NIPBL: variants seen among roughly 807,000 people sequenced by gnomAD.
NIPBL encodes nipped-B-like protein.
In NIPBL, 19 loss-of-function variants were observed where a neutral mutation model predicts 321.8. The observed-to-expected ratio is 0.06, with a 90% CI of 0.04 to 0.09. The LOEUF (loss-of-function observed/expected upper bound fraction) is 0.09, where lower values mean the gene tolerates loss of function less well. NIPBL is among the 10% of genes least tolerant of loss of function. The pLI is 1.00. For missense variants in NIPBL, 2,210 were observed against 3,327.0 expected (o/e 0.66, Z 8.26); for synonymous variants, 1,106 against 1,114.1 (o/e 0.99, Z 0.14).
intron 1 of NIPBL, chr5:36,885,441 A>G: frequency 2.4e-5 from 11 of 466,670 alleles, no homozygotes; most frequent in South Asian, 1.7e-4. Context: ...GGCATCCAGA[A>G]CAAGGAGACC....
chr5:37,052,551 C>G lies in NIPBL; in HGVS notation c.7248C>G (p.Leu2416=). The G allele has an allele frequency of 1.2e-6, 2 of 1,613,962 alleles. No homozygotes were observed. The highest frequency in any genetic ancestry group is 1.7e-6 in the Non-Finnish European group (2 of 1,179,866). ...CCTTTCTTATTTCTTTACTCAACCT[C>G]TTTGATGACACAGCAGTAAGCACAA... ...RRAFLISLLN[L]FDDTAKTDVT... Residue 2416 remains leucine (L), a synonymous_variant, in exon 42 of 47, where the codon CTC becomes CTG. Coordinates refer to ENST00000282516, the MANE Select transcript of NIPBL (RefSeq NM_133433.4).
At chr5:37,059,733 T>A (rs1754466650) in intron 44 of NIPBL, among the ~76,000 whole-genome samples, 1 of 152,190 alleles carries the variant, frequency 6.6e-6, no homozygotes. Context: ...TTAAAAAGAC[T>A]CAAGCTAACC....
rs1015573097 is a variant in NIPBL, at chr5:36,900,112, C to G, written c.-80+22934C>G. Among the ~76,000 whole-genome samples, 5 of 152,204 alleles carry G rather than the reference C, an allele frequency of 3.3e-5. No individual in the cohort carries two copies. In the South Asian group the frequency reaches 1.0e-3, roughly 32 times the overall value. On this transcript the variant is annotated intron_variant, in intron 1 of 46. Coordinates refer to ENST00000282516, the MANE Select transcript of NIPBL (RefSeq NM_133433.4). ...TTTGACTGGCATTATTTAATCTTCA[C>G]TACAGTTCTTGAGGTATAATCAGCC...
Position 37,000,718 on chromosome 5 carries a change from G to GT in NIPBL, c.3503-96dup, listed in dbSNP as rs766171586. On this transcript the variant is annotated intron_variant, in intron 12 of 46. Coordinates refer to ENST00000282516, the MANE Select transcript of NIPBL (RefSeq NM_133433.4). ...TTAGTTTCTATGTGCAGTGATTATC[G>GT]TTTAAGTCTTTAACGTTCAGGAAAA... The GT allele has an allele frequency of 1.8e-4, 238 of 1,299,564 alleles. 1 individual carries two copies. Among genetic ancestry groups the GT allele is most frequent in the Non-Finnish European group, 2.3e-4 (214 of 912,176 alleles). The allele number at this position is 1,299,564 out of a possible 1,614,324, so 80.5% of individuals were successfully genotyped here.
intron 1 of NIPBL, among the ~76,000 whole-genome samples, chr5:36,888,528 A>G (rs1746086729): frequency 6.6e-6 from 1 of 152,142 alleles, no homozygotes; most frequent in African/African-American, 2.4e-5. Context: ...TACTGTGGAA[A>G]CAAGTTTACT....
intron 1 of NIPBL, among the ~76,000 whole-genome samples, chr5:36,928,903 C>A (rs1387521010): frequency 1.3e-5 from 2 of 152,134 alleles, no homozygotes; most frequent in East Asian, 3.8e-4. Context: ...TTTGTCTATA[C>A]ACTAGTTGGT....
intron 1 of NIPBL, among the ~76,000 whole-genome samples, chr5:36,878,501 TTTG>T (rs1304408459): frequency 1.3e-5 from 2 of 152,198 alleles, no homozygotes; most frequent in African/African-American, 2.4e-5. Context: ...GTTTTGATAT[TTTG>T]TTTCATATTC....
At chr5:37,061,794 C>T (rs1030101520) in intron 45 of NIPBL, among the ~76,000 whole-genome samples, 2 of 152,170 alleles carry the variant, frequency 1.3e-5, no homozygotes, top group Non-Finnish European at 2.9e-5. Flanking sequence ...ATGCTATATA[C>T]ATAGTTGTTA....
chr5:36,937,070 A>G (rs73093844), intron 1 of NIPBL, among the ~76,000 whole-genome samples: 1 of 152,154 alleles, frequency 6.6e-6, no homozygotes, highest in Admixed American at 6.6e-5. Context: ...TTTGGCTTTC[A>G]GCTCCTGAAA....
chr5:36,980,688 A>G (rs1424060492), intron 9 of NIPBL, among the ~76,000 whole-genome samples: 1 of 151,664 alleles, frequency 6.6e-6, no homozygotes, highest in African/African-American at 2.4e-5. Flanking sequence ...GGTTTATGTG[A>G]ATATACTATA....
At chr5:37,003,835 A>T (rs1295021033) in intron 16 of NIPBL, among the ~76,000 whole-genome samples, 1 of 152,234 alleles carries the variant, frequency 6.6e-6, no homozygotes, top group Non-Finnish European at 1.5e-5. Flanking sequence ...CAGCTTTGCC[A>T]TAAAGTAAGA....
chr5:36,923,568 G>T (rs1197906504), intron 1 of NIPBL, among the ~76,000 whole-genome samples: 1 of 152,084 alleles, frequency 6.6e-6, no homozygotes, highest in Non-Finnish European at 1.5e-5. Context: ...GAAACATTAT[G>T]TGGTCTTTGG....
At chr5:37,063,493 C>T (rs1343500093) in intron 45 of NIPBL, among the ~76,000 whole-genome samples, 1 of 152,216 alleles carries the variant, frequency 6.6e-6, no homozygotes, top group African/African-American at 2.4e-5. Context: ...AACCCATTGC[C>T]TGTTTTTGCA....
At chr5:36,961,434 A>C (rs776777436) in intron 4 of NIPBL, 50 bp from the exon 5 acceptor site, 4 of 1,048,218 alleles carry the variant, frequency 3.8e-6, no homozygotes, top group Non-Finnish European at 6.0e-6. Context: ...TTTAAAGGAC[A>C]CTTTACTGTT....
chr5:37,055,706 C>G (rs1754017965), intron 42 of NIPBL, among the ~76,000 whole-genome samples: 1 of 151,830 alleles, frequency 6.6e-6, no homozygotes, highest in Admixed American at 6.6e-5. Context: ...CAGTGAGGGA[C>G]AAAAGCAGAT....
Position 36,951,426 on chromosome 5 carries a change from G to A in NIPBL, c.-79-2192G>A, listed in dbSNP as rs1740277599. Among the ~76,000 whole-genome samples, 3 of 152,226 alleles carry A rather than the reference G, an allele frequency of 2.0e-5. No homozygotes were observed. The South Asian group carries it at 6.2e-4, about 32-fold the overall frequency. ...TCTGCTTGAATATGGCAGTGTACGT[G>A]TACAACAGTGAGTTGTATATGAATA... On this transcript the variant is annotated intron_variant, in intron 1 of 46. Transcript: ENST00000282516.
chr5:36,894,462 T>C (rs1448619137), intron 1 of NIPBL, among the ~76,000 whole-genome samples: 1 of 152,158 alleles, frequency 6.6e-6, no homozygotes, highest in Non-Finnish European at 1.5e-5. Context: ...TACATGTATA[T>C]AAAAATACAT....
Position 36,984,764 on chromosome 5 carries a change from G to T in NIPBL, c.1584G>T (p.Thr528=). Residue 528 remains threonine (T), a synonymous_variant, in exon 10 of 47, where the codon ACG becomes ACT. Transcript: ENST00000282516. The part of the protein sequence containing the change: ...TGGNRPASQE[T]GSTGNGSRPA... ...GTAATAGACCAGCTTCTCAGGAGACGGGTTCTACGGGAAATGGGTCAAGGC... is the reference window on the plus strand; with the variant it reads ...GTAATAGACCAGCTTCTCAGGAGACTGGTTCTACGGGAAATGGGTCAAGGC... 1 of 1,613,754 alleles carries T rather than the reference G, an allele frequency of 6.2e-7. No individual in the cohort carries two copies. Among genetic ancestry groups the T allele is most frequent in the Non-Finnish European group, 8.5e-7 (1 of 1,179,806 alleles).
At chr5:36,967,434 C>T (rs1245311469) in intron 6 of NIPBL, among the ~76,000 whole-genome samples, 2 of 152,106 alleles carry the variant, frequency 1.3e-5, no homozygotes, top group Non-Finnish European at 2.9e-5. Flanking sequence ...TCAGACTGTT[C>T]TAACAAGTTC....
Sources: allele counts gnomAD v4.1 joint callset (sites outside exome capture counted in the v4.1 genomes callset), GRCh38; gene constraint gnomAD v4.1.1; transcripts MANE v1.5; gene names NCBI Gene and HGNC (gene_info 2026-07-23, HGNC 2026-07-21).